The following NEMP2 variants were observed in gnomAD, a reference collection of about 807,000 sequenced individuals.
The protein encoded by NEMP2 is nuclear envelope integral membrane protein 2, also known as UPF0571 transmembrane protein.
In NEMP2, 53 loss-of-function variants were observed where a neutral mutation model predicts 54.2. The ratio of observed to expected loss-of-function variants is 0.98; its 90% confidence interval spans 0.78 to 1.23. NEMP2 has a LOEUF of 1.23. Ranked by LOEUF, NEMP2 falls within the 50% of genes most tolerant of loss-of-function variation. The pLI is 0.00. For synonymous variants in NEMP2, 197 were observed against 190.3 expected (o/e 1.04, Z -0.29); for missense variants, 455 against 511.3 (o/e 0.89, Z 1.06).
chr2:190,613,610 T>C, the NEMP2 span, among the ~76,000 whole-genome samples: 211 of 152,242 alleles, frequency 1.4e-3, no homozygotes, highest in Non-Finnish European at 2.3e-3. Flanking sequence ...TTTTTTGAGA[T>C]GGAGTCTCAC....
the NEMP2 span, among the ~76,000 whole-genome samples, chr2:190,478,463 T>A: frequency 6.6e-6 from 1 of 152,224 alleles, no homozygotes; most frequent in Non-Finnish European, 1.5e-5. Context: ...AATAAAATCC[T>A]GCATCACAGA....
intron 1 of NEMP2, among the ~76,000 whole-genome samples, chr2:190,532,901 C>CA (rs1316527576): frequency 6.6e-6 from 1 of 152,160 alleles, no homozygotes. Context: ...TCTAAGGCTA[C>CA]AAAAGTTGCC....
In NEMP2 at chr2:190,506,696, G is replaced by A. The variant is rs748648924; in HGVS notation, c.*2493C>T. ...TTAAAACCTTTTAAAAATAACACTT[G>A]AATGATACGATTGTTTAAGCATAGC... On this transcript the variant is annotated 3_prime_UTR_variant, in exon 9 of 9. Coordinates refer to ENST00000409150, the MANE Select transcript of NEMP2 (RefSeq NM_001142645.2). This position sits in a 1 kb window ranked among gnomAD's most constrained non-coding sequence, Gnocchi z 6.3. 1 of 152,188 alleles carries A rather than the reference G, an allele frequency of 6.6e-6. No individual in the cohort carries two copies. Among genetic ancestry groups the A allele is most frequent in the Non-Finnish European group, 1.5e-5 (1 of 68,036 alleles). 9.4% of individuals were successfully genotyped at this position (152,188 alleles called of 1,614,324 possible). A position where few individuals can be genotyped will look rare whatever the true frequency, so the allele number is the denominator to read the frequency against.
chr2:190,540,319 T>A, the NEMP2 span, among the ~76,000 whole-genome samples: 1 of 151,708 alleles, frequency 6.6e-6, no homozygotes, highest in East Asian at 1.9e-4. Flanking sequence ...CACCTCACTT[T>A]ATCACCCATA....
At chr2:190,625,863 T>C in the NEMP2 span, 1 of 152,232 alleles carries the variant, frequency 6.6e-6, no homozygotes, top group Non-Finnish European at 1.5e-5. Context: ...AAATTAATTT[T>C]AGTCATAAAT....
At chr2:190,582,029 A>C in the NEMP2 span, among the ~76,000 whole-genome samples, 1 of 152,198 alleles carries the variant, frequency 6.6e-6, no homozygotes, top group East Asian at 1.9e-4. This position sits in a 1 kb window ranked among gnomAD's most constrained non-coding sequence, Gnocchi z 4.6. Flanking sequence ...TATCAAATGT[A>C]AGAGGTCATA....
At chr2:190,429,178 A>G in the NEMP2 span, among the ~76,000 whole-genome samples, 1 of 150,820 alleles carries the variant, frequency 6.6e-6, no homozygotes, top group Non-Finnish European at 1.5e-5. Flanking sequence ...ATTTTTTTCT[A>G]TTGATTTTAA....
At chr2:190,550,215 T>A in the NEMP2 span, among the ~76,000 whole-genome samples, 106 of 152,262 alleles carry the variant, frequency 7.0e-4, no homozygotes, top group Non-Finnish European at 1.3e-3. This position sits in a 1 kb window ranked among gnomAD's most constrained non-coding sequence, Gnocchi z 4.7. Flanking sequence ...TTTTGACAAA[T>A]CTGAAGGTTG....
the NEMP2 span, among the ~76,000 whole-genome samples, chr2:190,580,843 A>G: frequency 6.6e-6 from 1 of 152,210 alleles, no homozygotes; most frequent in Non-Finnish European, 1.5e-5. This position sits in a 1 kb window ranked among gnomAD's most constrained non-coding sequence, Gnocchi z 5.3. Context: ...CTAACTGATT[A>G]GAATTGAGAA....
the NEMP2 span, chr2:190,620,512 A>G: frequency 6.6e-6 from 1 of 152,222 alleles, no homozygotes; most frequent in Non-Finnish European, 1.5e-5. The surrounding 1 kb of genome is among the most constrained non-coding windows in gnomAD (Gnocchi z 4.9). Context: ...TATTACAAAT[A>G]ATGAAAAGGA....
chr2:190,478,418 C>A, the NEMP2 span, among the ~76,000 whole-genome samples: 1 of 152,140 alleles, frequency 6.6e-6, no homozygotes, highest in Non-Finnish European at 1.5e-5. Context: ...TTGACCCATG[C>A]CCACCCCATG....
the NEMP2 span, among the ~76,000 whole-genome samples, chr2:190,590,915 C>T: frequency 1.3e-5 from 2 of 152,192 alleles, no homozygotes; most frequent in Admixed American, 6.6e-5. The surrounding 1 kb of genome is among the most constrained non-coding windows in gnomAD (Gnocchi z 5.1). Context: ...TAGTTCTTGG[C>T]TATATTCCCA....
At chr2:190,584,258 C>T in the NEMP2 span, among the ~76,000 whole-genome samples, 1 of 152,016 alleles carries the variant, frequency 6.6e-6, no homozygotes, top group Admixed American at 6.6e-5. This position sits in a 1 kb window ranked among gnomAD's most constrained non-coding sequence, Gnocchi z 4.2. Flanking sequence ...ATCACATTCA[C>T]AATAGGGAAT....
At chr2:190,431,570 C>T in the NEMP2 span, among the ~76,000 whole-genome samples, 11 of 152,298 alleles carry the variant, frequency 7.2e-5, no homozygotes, top group South Asian at 2.1e-4. The surrounding 1 kb of genome is among the most constrained non-coding windows in gnomAD (Gnocchi z 4.4). Context: ...TCAGGTGTGG[C>T]GGCGCGCGCC....
chr2:190,608,432 T>G, the NEMP2 span: 1 of 152,218 alleles, frequency 6.6e-6, no homozygotes, highest in African/African-American at 2.4e-5. This position sits in a 1 kb window ranked among gnomAD's most constrained non-coding sequence, Gnocchi z 4.9. Context: ...ATATTTGTGC[T>G]GGTTACAGCA....
the NEMP2 span, among the ~76,000 whole-genome samples, chr2:190,580,149 C>T: frequency 6.6e-6 from 1 of 152,196 alleles, no homozygotes; most frequent in African/African-American, 2.4e-5. The surrounding 1 kb of genome is among the most constrained non-coding windows in gnomAD (Gnocchi z 5.3). Context: ...TGCGTGTCCA[C>T]AGGCCACTCA....
the NEMP2 span, among the ~76,000 whole-genome samples, chr2:190,644,734 C>T: frequency 5.3e-5 from 8 of 151,754 alleles, no homozygotes; most frequent in African/African-American, 1.9e-4. The surrounding 1 kb of genome is among the most constrained non-coding windows in gnomAD (Gnocchi z 4.4). Flanking sequence ...ACAGACAGCG[C>T]GGTCTACTTG....
the NEMP2 span, among the ~76,000 whole-genome samples, chr2:190,484,398 A>G: frequency 6.6e-6 from 1 of 152,194 alleles, no homozygotes; most frequent in Non-Finnish European, 1.5e-5. Context: ...TTCTCTAATA[A>G]CTAAGAAAGT....
chr2:190,631,465 A>C, the NEMP2 span, among the ~76,000 whole-genome samples: 1 of 152,248 alleles, frequency 6.6e-6, no homozygotes, highest in Admixed American at 6.5e-5. Context: ...AATGTAAAAA[A>C]AACTTTATAT....
Sources: gnomAD v4.1 joint callset for allele counts (sites outside exome capture counted in the v4.1 genomes callset) on GRCh38, gnomAD v4.1.1 for gene constraint, Gnocchi (gnomAD v3.1) non-coding constraint, MANE v1.5 for transcripts, NCBI Gene and HGNC (gene_info 2026-07-23, HGNC 2026-07-21) for gene names.